Variants in TMEM132C observed in about 807,000 individuals in gnomAD.
TMEM132C encodes the protein transmembrane protein 132C.
TMEM132C carries 29 observed loss-of-function variants against 61.4 expected under a neutral mutation model. That is an observed-to-expected ratio of 0.47 (90% CI 0.35 to 0.64). The LOEUF (loss-of-function observed/expected upper bound fraction) is 0.64. TMEM132C is among the 30% of genes least tolerant of loss of function. The probability of loss-of-function intolerance (pLI) is 0.00; values close to 1 mark genes in which losing one functional copy is unlikely to be tolerated. For synonymous variants in TMEM132C, 656 were observed against 633.1 expected (o/e 1.04, Z -0.54); for missense variants, 1,408 against 1,476.9 (o/e 0.95, Z 0.76).
In TMEM132C at chr12:128,675,972, A is replaced by G. The variant is rs141007036; in HGVS notation, c.1449+6412A>G. On this transcript the variant is annotated intron_variant, in intron 5 of 8. Coordinates refer to ENST00000435159, the MANE Select transcript of TMEM132C (RefSeq NM_001136103.3). Reference sequence around the variant, plus strand: ...TTTAACTCTAACTACTTCAGTGTATATTTCCTAAGAATAAGAATATTCTTT... The same window carrying G: ...TTTAACTCTAACTACTTCAGTGTATGTTTCCTAAGAATAAGAATATTCTTT... Among the ~76,000 whole-genome samples, 854 of 152,298 alleles carry G rather than the reference A, an allele frequency of 5.6e-3. 16 individuals are homozygous for G. Among genetic ancestry groups the G allele is most frequent in the African/African-American group, 0.02 (828 of 41,572 alleles).
At chr12:128,418,228 T>A (rs1039112327) in intron 2 of TMEM132C, among the ~76,000 whole-genome samples, 4 of 152,252 alleles carry the variant, frequency 2.6e-5, no homozygotes, top group African/African-American at 9.6e-5. Context: ...CAAGTCCTTG[T>A]GTCTCAGGCG....
chr12:128,521,980 T>C (rs1872920648), intron 2 of TMEM132C, among the ~76,000 whole-genome samples: 1 of 152,204 alleles, frequency 6.6e-6, no homozygotes, highest in South Asian at 2.1e-4. Flanking sequence ...TGTCCTCACA[T>C]GTAGCTAAAT....
chr12:128,631,019 G>A lies in TMEM132C; in HGVS notation c.1305+14684G>A, dbSNP rs570641455. 3.3e-3 allele frequency among the ~76,000 whole-genome samples: 502 copies of A among 152,296 alleles called. 2 individuals are homozygous for A. The highest frequency in any genetic ancestry group is 6.8e-3 in the Middle Eastern group (2 of 294). ...TGCATTCCAGCCTGGGCAACAGAGT[G>A]AGACTGTCTCAAAAATAGTAATAAT... On this transcript the variant is annotated intron_variant, in intron 4 of 8. Coordinates refer to ENST00000435159, the MANE Select transcript of TMEM132C (RefSeq NM_001136103.3).
intron 1 of TMEM132C, among the ~76,000 whole-genome samples, chr12:128,318,318 C>T (rs1349229817): frequency 6.6e-6 from 1 of 152,154 alleles, no homozygotes; most frequent in Admixed American, 6.6e-5. Context: ...CTCTGGAGAG[C>T]AGGTGCTGGA....
chr12:128,357,643 CGAG>C, intron 1 of TMEM132C, among the ~76,000 whole-genome samples: 1 of 147,446 alleles, frequency 6.8e-6, no homozygotes, highest in Middle Eastern at 3.5e-3. Flanking sequence ...TGCAGTGAGC[CGAG>C]ATCATGCCAC....
chr12:128,402,769 A>G (rs764558898), intron 1 of TMEM132C, among the ~76,000 whole-genome samples: 1 of 152,252 alleles, frequency 6.6e-6, no homozygotes, highest in Non-Finnish European at 1.5e-5. Context: ...CAGTTAAAGC[A>G]GCCCATGTTA....
chr12:128,602,310 A>G (rs1876224227), intron 3 of TMEM132C, among the ~76,000 whole-genome samples: 1 of 152,218 alleles, frequency 6.6e-6, no homozygotes, highest in African/African-American at 2.4e-5. Flanking sequence ...GTGCAGCCCT[A>G]TTTCTTCAAC....
At chr12:128,639,189 G>T (rs939658981) in intron 4 of TMEM132C, among the ~76,000 whole-genome samples, 21 of 135,002 alleles carry the variant, frequency 1.6e-4, no homozygotes, top group Admixed American at 2.9e-4. Flanking sequence ...GGTGGTGATG[G>T]TGATGGTGGG....
chr12:128,350,475 T>A (rs1049276305), intron 1 of TMEM132C, among the ~76,000 whole-genome samples: 3 of 152,190 alleles, frequency 2.0e-5, no homozygotes, highest in East Asian at 3.9e-4. Flanking sequence ...GAAGGGGCAC[T>A]GTGAATATTT....
intron 1 of TMEM132C, among the ~76,000 whole-genome samples, chr12:128,320,772 C>T (rs758108876): frequency 6.7e-6 from 1 of 150,374 alleles, no homozygotes; most frequent in Non-Finnish European, 1.5e-5. Flanking sequence ...ACAGCAAGAC[C>T]CTGTCTCAAA....
intron 2 of TMEM132C, among the ~76,000 whole-genome samples, chr12:128,443,057 G>T (rs1869852065): frequency 6.6e-6 from 1 of 151,984 alleles, no homozygotes; most frequent in Admixed American, 6.6e-5. Context: ...AAATGTCATG[G>T]TGTCTAAATG....
intron 1 of TMEM132C, among the ~76,000 whole-genome samples, chr12:128,270,014 G>A (rs114193256): frequency 0.014 from 2,098 of 152,282 alleles, 51 homozygotes; most frequent in African/African-American, 0.047. Context: ...ATAGGACAGG[G>A]CATTGAAAGA....
chr12:128,550,127 C>A (rs1466460500), intron 3 of TMEM132C, among the ~76,000 whole-genome samples: 1 of 152,162 alleles, frequency 6.6e-6, no homozygotes, highest in Admixed American at 6.5e-5. Flanking sequence ...TGGCTTAAAA[C>A]ACAGAAATTT....
intron 3 of TMEM132C, among the ~76,000 whole-genome samples, chr12:128,548,962 A>G (rs1874058754): frequency 6.6e-6 from 1 of 152,180 alleles, no homozygotes. Context: ...GGACTTAAGC[A>G]TCCATGGATG....
rs770644110 is a variant in TMEM132C, at chr12:128,706,191, G to A, written c.3223G>A (p.Val1075Ile). The A allele has an allele frequency of 1.9e-5, 30 of 1,551,796 alleles. No individual in the cohort carries two copies. The highest frequency in any genetic ancestry group is 1.1e-4 in the South Asian group (9 of 84,058). ...CAGCTGCCCCACGGTGAACTCCATC[G>A]TCAGCAGCAATGATGAGGACATCAA... ...DDSCPTVNSI[V>I]SSNDEDIKWV... Residue 1075 changes from valine to isoleucine, a missense_variant, in exon 9 of 9, where the codon GTC becomes ATC. Val to Ile is a conservative substitution (Grantham distance 29). Transcript: ENST00000435159.
chr12:128,557,291 A>T (rs1368772602), intron 3 of TMEM132C, among the ~76,000 whole-genome samples: 1 of 152,176 alleles, frequency 6.6e-6, no homozygotes, highest in African/African-American at 2.4e-5. Context: ...CTTCATTCCC[A>T]TCATAGTCTG....
chr12:128,541,191 G>T, intron 2 of TMEM132C, among the ~76,000 whole-genome samples: 1 of 152,156 alleles, frequency 6.6e-6, no homozygotes, highest in East Asian at 1.9e-4. Context: ...GAAGGATACA[G>T]ATGAGGAAAC....
At chr12:128,635,462 C>CTTTTTTTTTTTTTTTTTTTT (rs372811916) in intron 4 of TMEM132C, among the ~76,000 whole-genome samples, 1 of 130,436 alleles carries the variant, frequency 7.7e-6, no homozygotes, top group African/African-American at 2.7e-5. Flanking sequence ...TGAGTTTTTT[C>CTTTTTTTTTTTTTTTTTTTT]TTTTTTTTTT....
chr12:128,608,940 A>G (rs948617118), intron 3 of TMEM132C, among the ~76,000 whole-genome samples: 1 of 152,136 alleles, frequency 6.6e-6, no homozygotes, highest in African/African-American at 2.4e-5. Context: ...TTCATGCATT[A>G]TCTGCTTCTG....
Sources: gnomAD v4.1 joint callset for allele counts (sites outside exome capture counted in the v4.1 genomes callset) on GRCh38, gnomAD v4.1.1 for gene constraint, MANE v1.5 for transcripts, NCBI Gene and HGNC (gene_info 2026-07-23, HGNC 2026-07-21) for gene names.